Variants in DPP6 observed in about 807,000 individuals in gnomAD.
The protein encoded by DPP6 is A-type potassium channel modulatory protein DPP6.
A neutral mutation model predicts 122.6 loss-of-function variants in DPP6; 69 were observed. That is an observed-to-expected ratio of 0.56 (90% CI 0.46 to 0.69). The LOEUF is 0.69. Ranked by LOEUF, DPP6 falls within the 30% of genes least tolerant of loss-of-function variation. The probability of loss-of-function intolerance (pLI) is 0.00; values close to 1 mark genes in which losing one functional copy is unlikely to be tolerated. For synonymous variants in DPP6, 418 were observed against 433.1 expected (o/e 0.97, Z 0.43); for missense variants, 928 against 1,116.9 (o/e 0.83, Z 2.41).
At chr7:153,786,409 T>G in the DPP6 span, among the ~76,000 whole-genome samples, 4 of 151,452 alleles carry the variant, frequency 2.6e-5, no homozygotes, top group African/African-American at 4.9e-5. Context: ...TATAAAAATG[T>G]TCACATCCCT....
the DPP6 span, among the ~76,000 whole-genome samples, chr7:153,861,066 T>C: frequency 6.6e-6 from 1 of 152,230 alleles, no homozygotes; most frequent in Non-Finnish European, 1.5e-5. Context: ...ATTTGCTAAA[T>C]GTTCCCAGTC....
At chr7:154,417,150 G>A (rs1817093832) in intron 1 of DPP6, among the ~76,000 whole-genome samples, 1 of 152,130 alleles carries the variant, frequency 6.6e-6, no homozygotes, top group African/African-American at 2.4e-5. Context: ...AGGTGTCTGG[G>A]CTACTTGACT....
chr7:154,327,198 G>T (rs1808520040), intron 1 of DPP6, among the ~76,000 whole-genome samples: 1 of 152,154 alleles, frequency 6.6e-6, no homozygotes, highest in Admixed American at 6.5e-5. Context: ...GACTTGGAAT[G>T]ATGGGTGGCA....
rs61553100 is a variant in DPP6, at chr7:153,920,563, C to CTTTTTTTTTTTTTTTTT, written c.51+32830_51+32846dup. The stretch of plus-strand genomic sequence containing the variant: ...GTCAACCTTTTTCTTTTATCTCTCT[C>CTTTTTTTTTTTTTTTTT]TTTTTTTTTTTTTTTTTGAGATGGA... On this transcript the variant is annotated intron_variant, in intron 1 of 25. Transcript: ENST00000404039. Among the ~76,000 whole-genome samples, 76 of 88,656 alleles carry CTTTTTTTTTTTTTTTTT rather than the reference C, an allele frequency of 8.6e-4. 7 individuals carry two copies. The highest frequency in any genetic ancestry group is 9.5e-4 in the Non-Finnish European group (47 of 49,362). 58.2% of individuals were successfully genotyped at this position (88,656 alleles called of 152,430 possible).
intron 5 of DPP6, among the ~76,000 whole-genome samples, chr7:154,635,951 G>A (rs1354751591): frequency 6.6e-6 from 1 of 152,150 alleles, no homozygotes; most frequent in Admixed American, 6.5e-5. Flanking sequence ...CACTGCTACT[G>A]TATTCTGTTC....
At chr7:154,525,756 T>A (rs1196726943) in intron 3 of DPP6, among the ~76,000 whole-genome samples, 1 of 151,012 alleles carries the variant, frequency 6.6e-6, no homozygotes, top group Admixed American at 6.6e-5. Flanking sequence ...TTTGTTGTGT[T>A]TTTTTTTTTG....
At chr7:154,463,273 T>A (rs1349467433) in intron 2 of DPP6, among the ~76,000 whole-genome samples, 1 of 138,388 alleles carries the variant, frequency 7.2e-6, no homozygotes, top group Non-Finnish European at 1.5e-5. Context: ...AGTGGCACGA[T>A]CTCGACTCAC....
In DPP6 at chr7:154,486,134, C is replaced by T. The variant is rs751449290; in HGVS notation, c.457+11097C>T. On this transcript the variant is annotated intron_variant, in intron 3 of 25. Coordinates refer to ENST00000377770, the MANE Select transcript of DPP6 (RefSeq NM_130797.4). The surrounding 1 kb of genome is among the most constrained non-coding windows in gnomAD (Gnocchi z 4.5). ...TCCTCACCACCCCTACTCATGGCCTCTATTTTGTTTTTTTTTTGAGATGGA... is the reference window on the plus strand; with the variant it reads ...TCCTCACCACCCCTACTCATGGCCTTTATTTTGTTTTTTTTTTGAGATGGA... 6.7e-6 allele frequency among the ~76,000 whole-genome samples: 1 copy of T among 148,804 alleles called. No homozygotes were observed. Among genetic ancestry groups the T allele is most frequent in the Admixed American group, 6.6e-5 (1 of 15,152 alleles).
intron 1 of DPP6, among the ~76,000 whole-genome samples, chr7:154,306,102 C>T (rs959487884): frequency 7.9e-5 from 12 of 152,208 alleles, no homozygotes; most frequent in African/African-American, 2.9e-4. Flanking sequence ...CAAACTGTCC[C>T]TGCTAGAGAA....
chr7:154,818,982 A>G (rs1190217298), intron 16 of DPP6, among the ~76,000 whole-genome samples: 4 of 152,204 alleles, frequency 2.6e-5, no homozygotes, highest in African/African-American at 9.7e-5. Context: ...AACATCTTCC[A>G]TGGAAAAGAA....
intron 1 of DPP6, among the ~76,000 whole-genome samples, chr7:154,311,506 AAAAAAG>A (rs1457552351): frequency 4.3e-4 from 65 of 152,168 alleles, no homozygotes; most frequent in East Asian, 1.7e-3. Context: ...CCACAAAAAA[AAAAAAG>A]AAAAAGAAAA....
chr7:154,703,700 G>T (rs1430067764), intron 7 of DPP6, among the ~76,000 whole-genome samples: 1 of 151,948 alleles, frequency 6.6e-6, no homozygotes, highest in East Asian at 1.9e-4. Flanking sequence ...CACTTTAGAA[G>T]GCCAAAGCGG....
In DPP6 at chr7:154,796,886, G is replaced by C. The variant is rs544184134; in HGVS notation, c.1299+1003G>C. ...CCGAAATGTATCCTGTTTCTGCTCT[G>C]TGTCAATCTTATTCACAAGAGGAAT... On this transcript the variant is annotated intron_variant, in intron 12 of 25. Transcript: ENST00000377770. Among the ~76,000 whole-genome samples the C allele has an allele frequency of 2.0e-5, 3 of 152,266 alleles. No individual in the cohort carries two copies. The South Asian group carries it at 6.2e-4, about 32-fold the overall frequency.
intron 4 of DPP6, among the ~76,000 whole-genome samples, chr7:154,542,536 T>C (rs1187855159): frequency 4.6e-5 from 7 of 152,182 alleles, no homozygotes; most frequent in African/African-American, 1.4e-4. Context: ...TGACAGATCA[T>C]ATATTTTAAC....
At chr7:154,257,510 C>A (rs1401026025) in intron 1 of DPP6, among the ~76,000 whole-genome samples, 1 of 152,054 alleles carries the variant, frequency 6.6e-6, no homozygotes, top group Non-Finnish European at 1.5e-5. Flanking sequence ...GCCTGGCTAA[C>A]ATGGCAAAAC....
At chr7:153,795,597 T>C in the DPP6 span, among the ~76,000 whole-genome samples, 4 of 152,252 alleles carry the variant, frequency 2.6e-5, no homozygotes, top group East Asian at 5.8e-4. Context: ...ATTTCTAGTT[T>C]ATTAATTTCC....
intron 1 of DPP6, among the ~76,000 whole-genome samples, chr7:154,396,811 G>A (rs1046368796): frequency 6.6e-6 from 1 of 152,162 alleles, no homozygotes; most frequent in Non-Finnish European, 1.5e-5. Flanking sequence ...TGGGTGTGGT[G>A]GCATGCACCT....
rs1049648985 is a variant in DPP6, at chr7:154,562,191, C to T, written c.553-4651C>T. On this transcript the variant is annotated intron_variant, in intron 4 of 25. Transcript: ENST00000377770. ...CCTCATGAACACAGATGCAAAAATC[C>T]TCAACAAAATATTAGCAAATTGAGT... is the stretch of plus-strand genomic sequence containing the variant. 5.3e-5 allele frequency among the ~76,000 whole-genome samples: 8 copies of T among 152,008 alleles called. No individual in the cohort carries two copies. The East Asian group carries it at 9.7e-4, about 18-fold the overall frequency.
intron 1 of DPP6, among the ~76,000 whole-genome samples, chr7:153,893,947 T>C (rs1799306628): frequency 6.6e-6 from 1 of 152,214 alleles, no homozygotes; most frequent in South Asian, 2.1e-4. Context: ...CACTGCAGGT[T>C]GTTTCAGCAG....
Sources: allele counts gnomAD v4.1 joint callset (sites outside exome capture counted in the v4.1 genomes callset), GRCh38; gene constraint gnomAD v4.1.1; non-coding constraint Gnocchi (gnomAD v3.1); transcripts MANE v1.5; gene names NCBI Gene and HGNC (gene_info 2026-07-23, HGNC 2026-07-21).